Variants in MICAL3 observed in about 807,000 individuals in gnomAD.
MICAL3 encodes [F-actin]-monooxygenase MICAL3.
A neutral mutation model predicts 207.4 loss-of-function variants in MICAL3; 62 were observed. The observed-to-expected ratio is 0.30, with a 90% CI of 0.24 to 0.37. The LOEUF (loss-of-function observed/expected upper bound fraction) is 0.37, where lower values mean the gene tolerates loss of function less well. MICAL3 is among the 10% of genes least tolerant of loss of function. The probability of loss-of-function intolerance (pLI) is 1.00; values close to 1 mark genes in which losing one functional copy is unlikely to be tolerated. For missense variants in MICAL3, 2,368 were observed against 2,635.6 expected, an observed-to-expected ratio of 0.90 and a Z score of 2.22; for synonymous variants, 1,077 against 1,069.3, an observed-to-expected ratio of 1.01 and a Z score of -0.14.
Position 17,790,654 on chromosome 22 carries a change from G to T in MICAL3, c.*78C>A. ...TCCAAGGAGGTGCCAGGCCTCCTCA[G>T]ATCGCGGCTCCGGGTGGTTTGGATG... On this transcript the variant is annotated 3_prime_UTR_variant, in exon 32 of 32. Coordinates refer to ENST00000441493, the MANE Select transcript of MICAL3 (RefSeq NM_015241.3). The T allele has an allele frequency of 7.4e-7, 1 of 1,359,456 alleles. No homozygotes were observed. The highest frequency in any genetic ancestry group is 1.0e-6 in the Non-Finnish European group (1 of 1,000,066). 84.2% of individuals were successfully genotyped at this position (1,359,456 alleles called of 1,614,324 possible).
At chr22:18,018,472 C>T (rs1924213771) in intron 1 of MICAL3, among the ~76,000 whole-genome samples, 1 of 152,000 alleles carries the variant, frequency 6.6e-6, no homozygotes, top group Non-Finnish European at 1.5e-5. Context: ...ACCTGTAATC[C>T]CAGCACTTTG....
At chr22:17,897,113 T>G in intron 7 of MICAL3, 132 bp from the exon 8 acceptor site, 1 of 958,112 alleles carries the variant, frequency 1.0e-6, no homozygotes, top group East Asian at 2.4e-5. Context: ...AAAACTTTTA[T>G]ACCATTAAAA....
intron 1 of MICAL3, among the ~76,000 whole-genome samples, chr22:17,988,394 C>T (rs148908743): frequency 2.6e-4 from 39 of 151,916 alleles, no homozygotes; most frequent in Admixed American, 2.6e-4. Context: ...GTGGGCACAC[C>T]ACCACCCACA....
chr22:17,987,463 C>T (rs547790959), intron 1 of MICAL3, among the ~76,000 whole-genome samples: 47 of 152,342 alleles, frequency 3.1e-4, no homozygotes, highest in African/African-American at 1.1e-3. Flanking sequence ...GATCGGTGAG[C>T]CCTAGGCCTG....
At position 17,922,735 on chromosome 22, in the gene MICAL3, C is replaced by T. The variant is rs565665885; in HGVS notation, c.-74-15849G>A. On this transcript the variant is annotated intron_variant, in intron 1 of 31. Transcript: ENST00000441493. Reference sequence around the variant, plus strand: ...GCCTTGTTCCAGGAGGGTCCTTATTCTCCAATAAGGTAGCTGTGCATGCTC... The same window carrying T: ...GCCTTGTTCCAGGAGGGTCCTTATTTTCCAATAAGGTAGCTGTGCATGCTC... Among the ~76,000 whole-genome samples the T allele has an allele frequency of 6.5e-3, 988 of 152,246 alleles. 10 individuals carry two copies. The highest frequency in any genetic ancestry group is 0.023 in the African/African-American group (957 of 41,540).
chr22:17,858,970 C>G (rs1025754351), intron 19 of MICAL3, among the ~76,000 whole-genome samples: 12 of 152,310 alleles, frequency 7.9e-5, no homozygotes, highest in African/African-American at 2.9e-4. Context: ...TTGCGCCCCC[C>G]ACATCCCAAT....
chr22:17,852,426 A>T (rs559177405), intron 19 of MICAL3, among the ~76,000 whole-genome samples: 1 of 152,092 alleles, frequency 6.6e-6, no homozygotes, highest in Non-Finnish European at 1.5e-5. Flanking sequence ...GCTGGCCTGG[A>T]AGAGAATCAT....
At chr22:17,828,021 G>T (rs1259663260) in intron 21 of MICAL3, among the ~76,000 whole-genome samples, 1 of 152,104 alleles carries the variant, frequency 6.6e-6, no homozygotes, top group Non-Finnish European at 1.5e-5. Flanking sequence ...GTCATTTCCA[G>T]CCGTATATGT....
At chr22:17,992,423 G>C (rs777432114) in intron 1 of MICAL3, among the ~76,000 whole-genome samples, 2 of 152,178 alleles carry the variant, frequency 1.3e-5, no homozygotes, top group African/African-American at 4.8e-5. Flanking sequence ...TCTACGTCCA[G>C]GGCTTCCTGG....
chr22:17,832,369 G>A (rs1478543087), intron 20 of MICAL3, among the ~76,000 whole-genome samples: 2 of 152,146 alleles, frequency 1.3e-5, no homozygotes, highest in Non-Finnish European at 2.9e-5. Context: ...CAGGTGGATG[G>A]GGTAGGGAGG....
chr22:17,924,181 T>G (rs539288349), intron 1 of MICAL3, among the ~76,000 whole-genome samples: 9 of 152,192 alleles, frequency 5.9e-5, no homozygotes, highest in African/African-American at 2.2e-4. Context: ...GAGATTTGGG[T>G]GGGTACACAG....
chr22:17,950,212 AATGCAGTG>A, intron 1 of MICAL3, among the ~76,000 whole-genome samples: 1 of 149,718 alleles, frequency 6.7e-6, no homozygotes, highest in East Asian at 1.9e-4. Flanking sequence ...CCCAGGCTGG[AATGCAGTG>A]GCGCTATCTT....
At chr22:17,912,368 T>TAAAAAAAA (rs113708314) in intron 1 of MICAL3, among the ~76,000 whole-genome samples, 1 of 140,658 alleles carries the variant, frequency 7.1e-6, no homozygotes. Flanking sequence ...TCTATTTCTG[T>TAAAAAAAA]AAAAAAAAAA....
chr22:17,866,800 T>C (rs890229049), intron 17 of MICAL3, among the ~76,000 whole-genome samples: 3 of 152,188 alleles, frequency 2.0e-5, no homozygotes, highest in Admixed American at 2.0e-4. Flanking sequence ...GTCAGAAAAA[T>C]CTGAACACCA....
At position 17,889,094 on chromosome 22, in the gene MICAL3, A is replaced by T; in HGVS notation, c.1831T>A (p.Ser611Thr). 1.2e-6 allele frequency: 2 copies of T among 1,613,808 alleles called. No homozygotes were observed. Among genetic ancestry groups the T allele is most frequent in the Non-Finnish European group, 1.7e-6 (2 of 1,179,756 alleles). ...MASVGEPDKL[S>T]MVMYLTQFYE... The stretch of plus-strand genomic sequence containing the variant: ...AACTGAGTCAGGTACATCACCATGG[A>T]CAGCTTATCAGGCTCCCCCACGGAG... The change falls in exon 13 of 32, where the codon TCC becomes ACC. Residue 611 changes from serine to threonine, a missense_variant. Transcript: ENST00000441493.
chr22:17,898,811 G>A lies in MICAL3; in HGVS notation c.948+637C>T, dbSNP rs903940788. Among the ~76,000 whole-genome samples the A allele has an allele frequency of 1.3e-4, 20 of 152,174 alleles. No individual in the cohort carries two copies. In the East Asian group the frequency reaches 3.5e-3, roughly 26 times the overall value. On this transcript the variant is annotated intron_variant, in intron 7 of 31. Coordinates refer to ENST00000441493, the MANE Select transcript of MICAL3 (RefSeq NM_015241.3). ...ACACCATGCAGTCACCTAGAAACAG[G>A]CTGAGCTGGACCTGGCTATGATGGA...
At chr22:17,952,603 A>G (rs575413028) in intron 1 of MICAL3, among the ~76,000 whole-genome samples, 82 of 152,332 alleles carry the variant, frequency 5.4e-4, no homozygotes, top group African/African-American at 2.0e-3. Flanking sequence ...CAAGCAGCCA[A>G]TCACGCGCTA....
chr22:17,857,910 T>C (rs1364650306), intron 19 of MICAL3, among the ~76,000 whole-genome samples: 2 of 152,238 alleles, frequency 1.3e-5, no homozygotes, highest in Non-Finnish European at 2.9e-5. Context: ...TTAGCTAGCC[T>C]GAGTTAGGGT....
At chr22:17,862,834 C>A (rs2146133802) in intron 19 of MICAL3, 2 of 985,524 alleles carry the variant, frequency 2.0e-6, no homozygotes, top group South Asian at 9.4e-5. Context: ...CCTGAGCTCA[C>A]TGGCCTTTGC....
Sources: gnomAD v4.1 joint callset for allele counts (sites outside exome capture counted in the v4.1 genomes callset) on GRCh38, gnomAD v4.1.1 for gene constraint, MANE v1.5 for transcripts, NCBI Gene and HGNC (gene_info 2026-07-23, HGNC 2026-07-21) for gene names.